Variants in ERC2 observed in about 807,000 individuals in gnomAD.
The protein encoded by ERC2 is ELKS/RAB6-interacting/CAST family member 2, also known as ERC protein 2.
A neutral mutation model predicts 114.8 loss-of-function variants in ERC2; 42 were observed. The ratio of observed to expected loss-of-function variants is 0.37; its 90% CI spans 0.29 to 0.47. The LOEUF is 0.47. Ranked by LOEUF, ERC2 falls within the 20% of genes least tolerant of loss-of-function variation. The probability of loss-of-function intolerance (pLI) is 0.99; values close to 1 mark genes in which losing one functional copy is unlikely to be tolerated. For synonymous variants in ERC2, 454 were observed against 425.5 expected, an observed-to-expected ratio of 1.07 and a Z score of -0.82; for missense variants, 939 against 1,150.7, an observed-to-expected ratio of 0.82 and a Z score of 2.66.
At chr3:55,861,450 T>C (rs2062024602) in intron 14 of ERC2, among the ~76,000 whole-genome samples, 2 of 152,196 alleles carry the variant, frequency 1.3e-5, no homozygotes, top group Non-Finnish European at 1.5e-5. Context: ...TGTGGAAACA[T>C]GGCAAATCCT....
intron 17 of ERC2, among the ~76,000 whole-genome samples, chr3:55,553,299 C>T (rs1361599732): frequency 6.6e-6 from 1 of 151,870 alleles, no homozygotes; most frequent in Non-Finnish European, 1.5e-5. Context: ...GGATTACAGA[C>T]ATCAGCCACC....
At chr3:56,396,099 A>G (rs988411410) in intron 2 of ERC2, among the ~76,000 whole-genome samples, 24 of 152,366 alleles carry the variant, frequency 1.6e-4, no homozygotes, top group African/African-American at 5.3e-4. Flanking sequence ...GCACTGCTCC[A>G]GGAAACAGAA....
chr3:55,986,643 C>A (rs2070659507), intron 11 of ERC2, among the ~76,000 whole-genome samples: 1 of 152,120 alleles, frequency 6.6e-6, no homozygotes, highest in South Asian at 2.1e-4. Context: ...GACAGAGTAA[C>A]TTTCCAAGCT....
intron 16 of ERC2, among the ~76,000 whole-genome samples, chr3:55,693,303 A>C (rs2062756769): frequency 6.6e-6 from 1 of 152,208 alleles, no homozygotes; most frequent in African/African-American, 2.4e-5. Flanking sequence ...AAGTACCCCT[A>C]GCACCCTGGC....
chr3:56,300,030 G>C (rs2055757779), intron 2 of ERC2, among the ~76,000 whole-genome samples: 1 of 152,252 alleles, frequency 6.6e-6, no homozygotes, highest in East Asian at 1.9e-4. Flanking sequence ...CTGATCCTTT[G>C]TCCCCACATC....
At chr3:56,003,979 T>C (rs1013655298) in intron 10 of ERC2, among the ~76,000 whole-genome samples, 1 of 152,032 alleles carries the variant, frequency 6.6e-6, no homozygotes, top group Non-Finnish European at 1.5e-5. Context: ...CAGGGTGAAA[T>C]ATTGTAGAAA....
At chr3:55,714,694 T>TATGTATAC (rs2064002038) in intron 15 of ERC2, among the ~76,000 whole-genome samples, 1 of 119,644 alleles carries the variant, frequency 8.4e-6, no homozygotes, top group African/African-American at 3.5e-5. Context: ...TATATATATA[T>TATGTATAC]ATATATATAT....
At chr3:56,074,627 G>A (rs2076889449) in intron 7 of ERC2, among the ~76,000 whole-genome samples, 1 of 152,112 alleles carries the variant, frequency 6.6e-6, no homozygotes. Flanking sequence ...AAGGAAGAGT[G>A]GCGAAACACC....
intron 6 of ERC2, among the ~76,000 whole-genome samples, chr3:56,121,828 A>G (rs968098811): frequency 1.3e-5 from 2 of 152,158 alleles, no homozygotes; most frequent in African/African-American, 4.8e-5. Flanking sequence ...GGAAACTACA[A>G]TGTTTGAGGC....
intron 6 of ERC2, among the ~76,000 whole-genome samples, chr3:56,097,845 T>C (rs1222173070): frequency 2.0e-5 from 3 of 152,204 alleles, no homozygotes; most frequent in Non-Finnish European, 4.4e-5. Context: ...GCAAACCTGG[T>C]CACTAGGCAT....
chr3:56,403,383 C>A (rs555098161), intron 2 of ERC2, among the ~76,000 whole-genome samples: 3 of 152,236 alleles, frequency 2.0e-5, no homozygotes, highest in African/African-American at 7.2e-5. Flanking sequence ...TAAATAAAAT[C>A]AAAAACTTGG....
At chr3:56,347,378 G>T (rs1429777701) in intron 2 of ERC2, among the ~76,000 whole-genome samples, 1 of 151,974 alleles carries the variant, frequency 6.6e-6, no homozygotes, top group Non-Finnish European at 1.5e-5. Flanking sequence ...TTCCTGTTAG[G>T]TTCTGCCTAT....
chr3:55,538,857 TCCTCTATC>T (rs1447555489), intron 17 of ERC2, among the ~76,000 whole-genome samples: 3 of 152,362 alleles, frequency 2.0e-5, no homozygotes, highest in African/African-American at 4.8e-5. Flanking sequence ...CAGCCACGCT[TCCTCTATC>T]CCTCTATCCC....
chr3:56,256,946 A>G (rs1036687570), intron 3 of ERC2, among the ~76,000 whole-genome samples: 13 of 152,190 alleles, frequency 8.5e-5, no homozygotes, highest in Admixed American at 5.2e-4. Context: ...ACCCAGTCTC[A>G]GGCATCTCTT....
At chr3:56,349,370 C>T (rs776097436) in intron 2 of ERC2, among the ~76,000 whole-genome samples, 11 of 152,212 alleles carry the variant, frequency 7.2e-5, no homozygotes, top group Non-Finnish European at 1.3e-4. Context: ...CTTACCCCCA[C>T]CAACCCTCCA....
intron 3 of ERC2, among the ~76,000 whole-genome samples, chr3:56,195,500 C>CGTGT (rs112067114): frequency 0.41 from 61,176 of 149,856 alleles, 13,026 homozygotes; most frequent in Middle Eastern, 0.52. Flanking sequence ...TGCGTGTGTG[C>CGTGT]GTGTGTGTGT....
chr3:56,414,683 C>T lies in ERC2; in HGVS notation c.657+19668G>A, dbSNP rs2061077102. 2.0e-5 allele frequency among the ~76,000 whole-genome samples: 3 copies of T among 151,318 alleles called. 1 individual carries two copies. The highest frequency in any genetic ancestry group is 6.6e-5 in the Admixed American group (1 of 15,202). On this transcript the variant is annotated intron_variant, in intron 2 of 17. Transcript: ENST00000288221. ...GAGGTTGCAGTGAGCTGAGATCATG[C>T]CACTACGCTCCACCCAGGGCGACAG...
chr3:56,015,288 T>C (rs1170293232), intron 8 of ERC2, among the ~76,000 whole-genome samples: 1 of 152,160 alleles, frequency 6.6e-6, no homozygotes, highest in African/African-American at 2.4e-5. Flanking sequence ...AATGGTGGTT[T>C]GCTGCACCTA....
At chr3:56,106,743 A>G (rs1202541606) in intron 6 of ERC2, among the ~76,000 whole-genome samples, 1 of 152,212 alleles carries the variant, frequency 6.6e-6, no homozygotes, top group Non-Finnish European at 1.5e-5. Flanking sequence ...GCTAGTGTTT[A>G]TAAACTGGCT....
Sources: allele counts gnomAD v4.1 joint callset (sites outside exome capture counted in the v4.1 genomes callset), GRCh38; gene constraint gnomAD v4.1.1; transcripts MANE v1.5; gene names NCBI Gene and HGNC (gene_info 2026-07-23, HGNC 2026-07-21).